Variants in DAB1 observed in about 807,000 individuals in gnomAD.
DAB1 encodes the protein DAB adaptor protein 1.
DAB1 carries 15 observed loss-of-function variants against 64.6 expected under a neutral mutation model. That is an observed-to-expected ratio of 0.23 (90% CI 0.16 to 0.36). The LOEUF (loss-of-function observed/expected upper bound fraction) is 0.36. Among genes scored for constraint, DAB1 ranks in the 10% least tolerant of loss-of-function variants. The pLI, the probability that DAB1 is intolerant of heterozygous loss-of-function variation, is 1.00. For missense variants in DAB1, 596 were observed against 706.7 expected (o/e 0.84, Z 1.78); for synonymous variants, 235 against 251.9 (o/e 0.93, Z 0.64).
At chr1:58,173,869 C>G (rs1656312964) in intron 4 of DAB1, among the ~76,000 whole-genome samples, 1 of 152,152 alleles carries the variant, frequency 6.6e-6, no homozygotes, top group Non-Finnish European at 1.5e-5. Flanking sequence ...AAAGCTCAAG[C>G]CCATCAGTGC....
intron 7 of DAB1, among the ~76,000 whole-genome samples, chr1:57,522,459 G>A (rs1241386152): frequency 6.6e-6 from 1 of 152,174 alleles, no homozygotes; most frequent in Non-Finnish European, 1.5e-5. Flanking sequence ...CTCTGTATTA[G>A]TTTGTTCTCA....
chr1:57,262,240 T>TC (rs1301902302), intron 2 of DAB1, among the ~76,000 whole-genome samples: 1 of 152,236 alleles, frequency 6.6e-6, no homozygotes, highest in Non-Finnish European at 1.5e-5. Flanking sequence ...TTAAATGACT[T>TC]CCCCAAGGTC....
intron 1 of DAB1, among the ~76,000 whole-genome samples, chr1:57,837,828 GC>G (rs1428168092): frequency 1.8e-4 from 4 of 22,468 alleles, no homozygotes; most frequent in Admixed American, 1.3e-3. Context: ...CACTACCTCC[GC>G]CCCCACCACC....
chr1:57,450,550 A>C (rs551417172), intron 7 of DAB1, among the ~76,000 whole-genome samples: 4 of 152,196 alleles, frequency 2.6e-5, no homozygotes, highest in Non-Finnish European at 5.9e-5. Context: ...CTGTCCTACT[A>C]TGTCACAGAT....
chr1:57,555,315 G>A (rs1255016636), intron 7 of DAB1, among the ~76,000 whole-genome samples: 1 of 151,448 alleles, frequency 6.6e-6, no homozygotes. Flanking sequence ...TTACAGGCGT[G>A]AGCCACCCCA....
chr1:58,084,058 G>A (rs1338896100), intron 5 of DAB1, among the ~76,000 whole-genome samples: 2 of 152,062 alleles, frequency 1.3e-5, no homozygotes, highest in African/African-American at 4.8e-5. Context: ...AGATATCCAG[G>A]GACCAGGAGT....
intron 13 of DAB1, 105 bp downstream of exon 13, chr1:57,011,040 G>A (rs1213885218): frequency 1.4e-6 from 2 of 1,439,886 alleles, no homozygotes; most frequent in African/African-American, 2.8e-5. Context: ...ATGAGATTGA[G>A]CCAGCATTCT....
intron 7 of DAB1, among the ~76,000 whole-genome samples, chr1:57,643,443 A>G (rs760797361): frequency 3.3e-5 from 5 of 152,104 alleles, no homozygotes; most frequent in Non-Finnish European, 7.4e-5. Flanking sequence ...AGATTGTTCT[A>G]TCATGTCTAT....
At chr1:57,425,488 G>C (rs928398926), upstream of DAB1, among the ~76,000 whole-genome samples, 5 of 152,058 alleles carry the variant, frequency 3.3e-5, no homozygotes, top group African/African-American at 1.2e-4. Context: ...TAGGTCCAGG[G>C]CTGGTACATA....
chr1:58,403,872 A>C lies in DAB1; in HGVS notation n.258-60469T>G, dbSNP rs985218296. On this transcript the variant is annotated intron_variant and non_coding_transcript_variant, in intron 3 of 20. Transcript: ENST00000485760. The stretch of plus-strand genomic sequence containing the variant: ...CATAAGTCACTAAACAGGATTTTGA[A>C]CCTTGATCTCCTGACTCTAGAATCT... Among the ~76,000 whole-genome samples, 62 of 152,304 alleles carry C rather than the reference A, an allele frequency of 4.1e-4. 1 individual carries two copies. In the South Asian group the frequency reaches 0.012, roughly 30 times the overall value.
chr1:57,519,923 A>G (rs1644506401), intron 7 of DAB1, among the ~76,000 whole-genome samples: 1 of 152,256 alleles, frequency 6.6e-6, no homozygotes, highest in Non-Finnish European at 1.5e-5. Context: ...ATGACTATGA[A>G]TAACTCATAT....
At chr1:58,149,293 G>A (rs1654788977) in intron 5 of DAB1, among the ~76,000 whole-genome samples, 1 of 152,164 alleles carries the variant, frequency 6.6e-6, no homozygotes, top group South Asian at 2.1e-4. Flanking sequence ...GAAGGAGGAA[G>A]AACATAAGTG....
At chr1:57,447,380 A>C (rs1332429398) in intron 7 of DAB1, among the ~76,000 whole-genome samples, 1 of 152,174 alleles carries the variant, frequency 6.6e-6, no homozygotes, top group Non-Finnish European at 1.5e-5. Flanking sequence ...ATTCTTAAAG[A>C]ACTTCTAAAG....
chr1:57,398,128 C>G (rs1330023929), intron 1 of DAB1, among the ~76,000 whole-genome samples: 1 of 152,226 alleles, frequency 6.6e-6, no homozygotes, highest in Non-Finnish European at 1.5e-5. Flanking sequence ...CATACATTTG[C>G]TCATTCATTC....
At chr1:57,392,218 C>T (rs141113724) in intron 1 of DAB1, among the ~76,000 whole-genome samples, 3 of 152,188 alleles carry the variant, frequency 2.0e-5, no homozygotes, top group East Asian at 3.9e-4. Flanking sequence ...ATTCAAAATA[C>T]AAAAATCAAC....
intron 4 of DAB1, among the ~76,000 whole-genome samples, chr1:58,333,205 G>A (rs769724289): frequency 2.6e-5 from 4 of 152,132 alleles, no homozygotes; most frequent in Admixed American, 6.5e-5. Flanking sequence ...TTCTAAAAAC[G>A]TAAGGCAGGA....
chr1:57,668,803 T>C lies in DAB1; in HGVS notation n.552-19138A>G, dbSNP rs939770552. Among the ~76,000 whole-genome samples, 4 of 152,138 alleles carry C rather than the reference T, an allele frequency of 2.6e-5. No homozygotes were observed. The East Asian group carries it at 5.8e-4, about 22-fold the overall frequency. On this transcript the variant is annotated intron_variant and non_coding_transcript_variant, in intron 6 of 20. Transcript: ENST00000485760. ...TTGATCTAGTACTTCTCAAACTCCATGTCTGAAGATCCGATCCCTGAAGAG... is the reference window on the plus strand; with the variant it reads ...TTGATCTAGTACTTCTCAAACTCCACGTCTGAAGATCCGATCCCTGAAGAG...
chr1:57,756,090 T>C (rs888791874), intron 6 of DAB1, among the ~76,000 whole-genome samples: 2 of 152,166 alleles, frequency 1.3e-5, no homozygotes, highest in African/African-American at 4.8e-5. Flanking sequence ...TAAATGTTTT[T>C]TAAAGAGAAT....
chr1:57,253,874 A>T (rs535445024), intron 2 of DAB1, among the ~76,000 whole-genome samples: 1 of 152,208 alleles, frequency 6.6e-6, no homozygotes, highest in Non-Finnish European at 1.5e-5. Context: ...TTTATTAAGG[A>T]TAAAACATTT....
Sources: gnomAD v4.1 joint callset for allele counts (sites outside exome capture counted in the v4.1 genomes callset) on GRCh38, gnomAD v4.1.1 for gene constraint, MANE v1.5 for transcripts, NCBI Gene and HGNC (gene_info 2026-07-23, HGNC 2026-07-21) for gene names.